Variants in ZNF438 observed in about 807,000 individuals in gnomAD.
ZNF438 encodes the protein zinc finger protein 438.
A neutral mutation model predicts 38.0 loss-of-function variants in ZNF438; 25 were observed. The observed-to-expected ratio is 0.66, with a 90% CI of 0.48 to 0.92. The LOEUF is 0.92. Ranked by LOEUF, ZNF438 falls within the 40% of genes least tolerant of loss-of-function variation. ZNF438 has a pLI of 0.00. For missense variants in ZNF438, 1,007 were observed against 999.6 expected (o/e 1.01, Z -0.10); for synonymous variants, 372 against 364.1 (o/e 1.02, Z -0.25).
At chr10:30,970,492 A>G (rs775063109) in intron 1 of ZNF438, among the ~76,000 whole-genome samples, 2 of 152,232 alleles carry the variant, frequency 1.3e-5, no homozygotes, top group Non-Finnish European at 2.9e-5. Context: ...AAAGTCACAC[A>G]GCTAGTTAAG....
chr10:31,028,683 T>C (rs1431876779), intron 1 of ZNF438, among the ~76,000 whole-genome samples: 1 of 152,202 alleles, frequency 6.6e-6, no homozygotes, highest in Admixed American at 6.5e-5. Flanking sequence ...TTTTTCCTCA[T>C]ACCCTGCTCC....
intron 3 of ZNF438, among the ~76,000 whole-genome samples, chr10:30,908,632 T>C (rs1204819383): frequency 1.3e-5 from 2 of 152,246 alleles, no homozygotes; most frequent in Non-Finnish European, 2.9e-5. Context: ...CTCATGGGCA[T>C]GTTTTAAATA....
At chr10:30,853,906 A>C (rs2034148515) in intron 4 of ZNF438, among the ~76,000 whole-genome samples, 1 of 152,060 alleles carries the variant, frequency 6.6e-6, no homozygotes, top group African/African-American at 2.4e-5. Context: ...GAGGCAGGGG[A>C]ACTGCTTAAA....
intron 1 of ZNF438, among the ~76,000 whole-genome samples, chr10:30,985,328 C>T (rs942359376): frequency 2.0e-5 from 3 of 152,062 alleles, no homozygotes; most frequent in Non-Finnish European, 4.4e-5. Context: ...AAGTGTTTTA[C>T]GTATTATTCT....
chr10:30,997,431 GA>G (rs2054168128), intron 1 of ZNF438, among the ~76,000 whole-genome samples: 2 of 152,252 alleles, frequency 1.3e-5, no homozygotes, highest in South Asian at 4.1e-4. Context: ...GACTGAAAAT[GA>G]ACGCAAAAAG....
intron 4 of ZNF438, among the ~76,000 whole-genome samples, chr10:30,860,382 G>T (rs781529770): frequency 6.6e-5 from 10 of 152,054 alleles, no homozygotes; most frequent in Non-Finnish European, 1.2e-4. Flanking sequence ...CCCATCTTTG[G>T]GTCTGCATTC....
intron 2 of ZNF438, among the ~76,000 whole-genome samples, chr10:30,937,510 C>T (rs2046379518): frequency 1.3e-5 from 2 of 152,148 alleles, no homozygotes; most frequent in South Asian, 2.1e-4. Context: ...ATTCCTCATA[C>T]ACATAACTTC....
chr10:30,966,765 C>T (rs2050168096), intron 1 of ZNF438, among the ~76,000 whole-genome samples: 1 of 151,910 alleles, frequency 6.6e-6, no homozygotes, highest in Admixed American at 6.6e-5. Flanking sequence ...ATCAGCAATT[C>T]ATGTTGGCTC....
intron 1 of ZNF438, among the ~76,000 whole-genome samples, chr10:30,978,825 A>C (rs971932426): frequency 3.9e-5 from 6 of 152,230 alleles, no homozygotes; most frequent in African/African-American, 1.4e-4. Flanking sequence ...TGGTAAATGA[A>C]CATTGGCTTC....
At chr10:30,911,984 CCTTCT>C (rs754297592) in intron 2 of ZNF438, among the ~76,000 whole-genome samples, 1 of 152,056 alleles carries the variant, frequency 6.6e-6, no homozygotes, top group Non-Finnish European at 1.5e-5. Context: ...AAATATTATT[CCTTCT>C]CTTGTTTATA....
At chr10:30,889,845 C>T (rs1482347446) in intron 3 of ZNF438, among the ~76,000 whole-genome samples, 1 of 152,100 alleles carries the variant, frequency 6.6e-6, no homozygotes, top group Admixed American at 6.6e-5. Flanking sequence ...CTAACTGAAA[C>T]TTCTTACTGT....
At chr10:31,016,043 A>G (rs896363889) in intron 1 of ZNF438, among the ~76,000 whole-genome samples, 1 of 152,216 alleles carries the variant, frequency 6.6e-6, no homozygotes, top group Non-Finnish European at 1.5e-5. Context: ...GGGGGACATA[A>G]CTAGTCCACA....
At chr10:30,876,469 T>TA (rs910357127) in intron 4 of ZNF438, among the ~76,000 whole-genome samples, 1 of 152,198 alleles carries the variant, frequency 6.6e-6, no homozygotes, top group Non-Finnish European at 1.5e-5. Flanking sequence ...AAGTGCCTGT[T>TA]AAAAAATCAT....
chr10:30,986,413 A>G (rs1158773392), intron 1 of ZNF438, among the ~76,000 whole-genome samples: 1 of 152,168 alleles, frequency 6.6e-6, no homozygotes, highest in East Asian at 1.9e-4. Context: ...CACTATATAA[A>G]CCACAAAAAG....
intron 1 of ZNF438, among the ~76,000 whole-genome samples, chr10:31,013,759 G>A (rs1399773522): frequency 2.6e-5 from 4 of 151,650 alleles, no homozygotes; most frequent in Admixed American, 1.3e-4. Flanking sequence ...CTTTTACCCC[G>A]CTGCACATAA....
intron 2 of ZNF438, among the ~76,000 whole-genome samples, chr10:30,916,553 A>G (rs2043660470): frequency 6.6e-6 from 1 of 151,196 alleles, no homozygotes; most frequent in African/African-American, 2.4e-5. Context: ...GCTTTCCTTT[A>G]TAGTGTTACC....
chr10:31,028,480 C>A (rs138865029), intron 1 of ZNF438, among the ~76,000 whole-genome samples: 3 of 152,230 alleles, frequency 2.0e-5, no homozygotes, highest in Non-Finnish European at 2.9e-5. Context: ...TTGAGTAATT[C>A]TTTTGTTGAA....
At chr10:30,990,481 A>G (rs2132504370) in intron 1 of ZNF438, among the ~76,000 whole-genome samples, 1 of 152,290 alleles carries the variant, frequency 6.6e-6, no homozygotes, top group Non-Finnish European at 1.5e-5. Flanking sequence ...CTCAGGTCCA[A>G]CCTCCAATCT....
At chr10:30,998,475 G>A (rs893144982) in intron 1 of ZNF438, among the ~76,000 whole-genome samples, 3 of 141,246 alleles carry the variant, frequency 2.1e-5, no homozygotes, top group African/African-American at 5.4e-5. Context: ...CCCGAGAGGC[G>A]GAGCTTGCAG....
Sources: gnomAD v4.1 joint callset for allele counts (sites outside exome capture counted in the v4.1 genomes callset) on GRCh38, gnomAD v4.1.1 for gene constraint, MANE v1.5 for transcripts, NCBI Gene and HGNC (gene_info 2026-07-23, HGNC 2026-07-21) for gene names.